The following CACNG4 variants were observed in gnomAD, a reference collection of about 807,000 sequenced individuals.
CACNG4 encodes the protein voltage-dependent calcium channel gamma-4 subunit.
Under a neutral mutation model 22.9 loss-of-function variants are expected in CACNG4, and 8 were observed. The ratio of observed to expected loss-of-function variants is 0.35; its 90% confidence interval spans 0.21 to 0.63. The LOEUF is 0.63. Ranked by LOEUF, CACNG4 falls within the 30% of genes least tolerant of loss-of-function variation. The probability of loss-of-function intolerance (pLI) is 0.72; values close to 1 mark genes in which losing one functional copy is unlikely to be tolerated. For synonymous variants in CACNG4, 188 were observed against 191.9 expected, an observed-to-expected ratio of 0.98 and a Z score of 0.17; for missense variants, 357 against 455.4, an observed-to-expected ratio of 0.78 and a Z score of 1.97.
intron 1 of CACNG4, 32 bp downstream of exon 1, chr17:66,965,163 C>CAA: frequency 9.8e-7 from 1 of 1,019,802 alleles, no homozygotes; most frequent in Non-Finnish European, 1.4e-6. Context: ...CGCCGCCCCA[C>CAA]ACACACACAC....
intron 1 of CACNG4, 47 bp downstream of exon 1, chr17:66,965,178 A>ACCCACC: frequency 9.1e-7 from 1 of 1,103,402 alleles, no homozygotes; most frequent in Non-Finnish European, 1.3e-6. Flanking sequence ...ACACACACAC[A>ACCCACC]CACACACATA....
rs1272291076 is a variant in CACNG4, at chr17:67,027,259, C to A, written c.445+2259C>A. 6.6e-6 allele frequency among the ~76,000 whole-genome samples: 1 copy of A among 152,222 alleles called. No homozygotes were observed. The highest frequency in any genetic ancestry group is 1.5e-5 in the Non-Finnish European group (1 of 68,048). On this transcript the variant is annotated intron_variant, in intron 3 of 3. Transcript: ENST00000262138. This position sits in a 1 kb window ranked among gnomAD's most constrained non-coding sequence, Gnocchi z 4.3. ...CAGCTGCCCGTGCCCCCAGGAGGAG[C>A]CGTTTCAAAGGCAGGCCCAGATGCT... is the stretch of plus-strand genomic sequence containing the variant.
chr17:66,983,301 A>C (rs762704366), intron 1 of CACNG4, among the ~76,000 whole-genome samples: 2 of 152,194 alleles, frequency 1.3e-5, no homozygotes, highest in Non-Finnish European at 2.9e-5. Context: ...TCTCAGCCCC[A>C]TGCTAAAAAC....
intron 3 of CACNG4, among the ~76,000 whole-genome samples, chr17:67,029,264 G>A (rs375153307): frequency 3.3e-5 from 5 of 152,234 alleles, no homozygotes; most frequent in East Asian, 3.9e-4. Flanking sequence ...CCCAGGAGGC[G>A]GAGGTTGCAG....
intron 3 of CACNG4, among the ~76,000 whole-genome samples, chr17:67,028,653 AT>A (rs1171128939): frequency 6.6e-5 from 10 of 152,308 alleles, no homozygotes; most frequent in Admixed American, 2.6e-4. Flanking sequence ...CTTTGTATAT[AT>A]CAGCTCATTT....
At chr17:66,996,379 CTTT>C (rs10585610) in intron 1 of CACNG4, among the ~76,000 whole-genome samples, 7,131 of 129,022 alleles carry the variant, frequency 0.055, 249 homozygotes, top group African/African-American at 0.11. Context: ...CAGTCCGATT[CTTT>C]TTTTTTTTTT....
intron 1 of CACNG4, among the ~76,000 whole-genome samples, chr17:67,005,116 G>A (rs889245764): frequency 6.6e-6 from 1 of 152,216 alleles, no homozygotes; most frequent in African/African-American, 2.4e-5. Context: ...AGAGGCAGGA[G>A]CCTCCATATC....
chr17:67,015,130 C>T (rs2035489596), intron 1 of CACNG4, among the ~76,000 whole-genome samples: 1 of 152,062 alleles, frequency 6.6e-6, no homozygotes, highest in Admixed American at 6.6e-5. Flanking sequence ...AACAGGTGTC[C>T]CTCCGTGGGT....
rs968740044 is a variant in CACNG4, at chr17:67,031,950, A to C, written c.*946A>C. 4 of 456,660 alleles carry C rather than the reference A, an allele frequency of 8.8e-6. No homozygotes were observed. Among genetic ancestry groups the C allele is most frequent in the African/African-American group, 6.0e-5 (3 of 50,082 alleles). 28.3% of individuals were successfully genotyped at this position (456,660 alleles called of 1,614,324 possible). ...AGGAGCCTGGACTTCTGTGCAAGAA[A>C]GGGAGACCTAAGGGTGAACAGTGGC... On this transcript the variant is annotated 3_prime_UTR_variant, in exon 4 of 4. Transcript: ENST00000262138. The surrounding 1 kb of genome is among the most constrained non-coding windows in gnomAD (Gnocchi z 4.0).
chr17:66,969,602 C>CA (rs2035191842), intron 1 of CACNG4, among the ~76,000 whole-genome samples: 1 of 152,188 alleles, frequency 6.6e-6, no homozygotes, highest in East Asian at 1.9e-4. Context: ...CACCATGGCA[C>CA]ACTGAGGAAG....
intron 1 of CACNG4, among the ~76,000 whole-genome samples, chr17:67,010,546 T>C (rs2035462580): frequency 6.6e-6 from 1 of 152,120 alleles, no homozygotes; most frequent in South Asian, 2.1e-4. Flanking sequence ...TGTCAGGTGT[T>C]CAAAATAGTG....
chr17:66,976,615 C>T (rs1320013044), intron 1 of CACNG4, among the ~76,000 whole-genome samples: 1 of 151,950 alleles, frequency 6.6e-6, no homozygotes, highest in Non-Finnish European at 1.5e-5. Flanking sequence ...CGTCCCTCCT[C>T]CCTGCCTTCA....
At chr17:66,971,321 G>GGGGTTTC (rs1209899362) in intron 1 of CACNG4, among the ~76,000 whole-genome samples, 2 of 152,018 alleles carry the variant, frequency 1.3e-5, no homozygotes, top group African/African-American at 4.8e-5. Flanking sequence ...GCCTTGTGGA[G>GGGGTTTC]CTTACTTAGT....
chr17:66,983,594 G>A (rs954267012), intron 1 of CACNG4, among the ~76,000 whole-genome samples: 2 of 152,186 alleles, frequency 1.3e-5, no homozygotes, highest in African/African-American at 4.8e-5. Context: ...CAGGCCCCAG[G>A]TCTGACTCAT....
chr17:67,017,877 G>C (rs1388213999), intron 1 of CACNG4, among the ~76,000 whole-genome samples: 2 of 151,982 alleles, frequency 1.3e-5, no homozygotes, highest in Non-Finnish European at 2.9e-5. Flanking sequence ...CCGACCTCCT[G>C]CTTGCCCCGG....
intron 1 of CACNG4, among the ~76,000 whole-genome samples, chr17:67,014,943 CAA>C (rs1163062678): frequency 4.1e-4 from 39 of 95,286 alleles, no homozygotes; most frequent in Non-Finnish European, 4.5e-4. Context: ...TCTCCAAAAA[CAA>C]AAAAAAAAAA....
chr17:66,974,893 T>C (rs1293830439), intron 1 of CACNG4, among the ~76,000 whole-genome samples: 1 of 152,124 alleles, frequency 6.6e-6, no homozygotes, highest in Non-Finnish European at 1.5e-5. Flanking sequence ...CAGATGGCTT[T>C]GCGGTGCATG....
rs112749490 is a variant in CACNG4, at chr17:67,031,045, C to T, written c.*41C>T. ...TCTCCGCTCCAGCCTCTCCCCAGAA[C>T]GGCTCTTTTTGTCACACAGGATGGC... is the stretch of plus-strand genomic sequence containing the variant. On this transcript the variant is annotated 3_prime_UTR_variant, in exon 4 of 4. Coordinates refer to ENST00000262138, the MANE Select transcript of CACNG4 (RefSeq NM_014405.4). This position sits in a 1 kb window ranked among gnomAD's most constrained non-coding sequence, Gnocchi z 4.0. The T allele has an allele frequency of 5.9e-5, 93 of 1,569,510 alleles. 1 individual carries two copies. The South Asian group carries it at 6.6e-4, about 11-fold the overall frequency.
intron 1 of CACNG4, among the ~76,000 whole-genome samples, chr17:66,966,087 C>A (rs1014517876): frequency 2.6e-5 from 4 of 152,184 alleles, no homozygotes; most frequent in Non-Finnish European, 5.9e-5. Flanking sequence ...TGCTAGGGGA[C>A]CAGGATTTCA....
Sources: allele counts gnomAD v4.1 joint callset (sites outside exome capture counted in the v4.1 genomes callset), GRCh38; gene constraint gnomAD v4.1.1; non-coding constraint Gnocchi (gnomAD v3.1); transcripts MANE v1.5; gene names NCBI Gene and HGNC (gene_info 2026-07-23, HGNC 2026-07-21).